USP8: variants seen among roughly 807,000 people sequenced by gnomAD.
USP8 encodes ubiquitin carboxyl-terminal hydrolase 8.
In USP8, 27 loss-of-function variants were observed where a neutral mutation model predicts 130.0. The observed-to-expected ratio is 0.21, with a 90% CI of 0.15 to 0.29. The LOEUF is 0.29. Among genes scored for constraint, USP8 ranks in the 10% least tolerant of loss-of-function variants. The pLI, the probability that USP8 is intolerant of heterozygous loss-of-function variation, is 1.00. For missense variants in USP8, 1,029 were observed against 1,312.2 expected, an observed-to-expected ratio of 0.78 and a Z score of 3.33; for synonymous variants, 392 against 444.1, an observed-to-expected ratio of 0.88 and a Z score of 1.48.
rs1485630012 is a variant in USP8 at position 50,499,012 on chromosome 15, C to G, written c.3281C>G (p.Ser1094Cys). ...DDHEVSDISV[S>C]SVKSSAAYIL... is the part of the protein sequence containing the mutation. ...CATGAAGTTTCTGATATCTCCGTTT[C>G]TTCTGTGAAATCTTCAGCAGCTTAT... The change falls in exon 20 of 20, where the codon TCT becomes TGT. Residue 1094 changes from serine to cysteine, a missense_variant. Physicochemically the swap from Ser to Cys is moderately radical, Grantham distance 112. Around this residue, in one of 4 missense-constraint regions of USP8, gnomAD observed 257 missense variants for 429.8 expected, o/e 0.60. Coordinates refer to ENST00000307179, the MANE Select transcript of USP8 (RefSeq NM_005154.5). 6.2e-7 allele frequency: 1 copy of G among 1,613,808 alleles called. No individual in the cohort carries two copies. Among genetic ancestry groups the G allele is most frequent in the Non-Finnish European group, 8.5e-7 (1 of 1,179,892 alleles).
chr15:50,479,971 G>T (rs1307290725), intron 10 of USP8, among the ~76,000 whole-genome samples: 2 of 152,074 alleles, frequency 1.3e-5, no homozygotes, highest in Non-Finnish European at 2.9e-5. Flanking sequence ...ATGTTGCCCA[G>T]GCTGGTCTCG....
intron 1 of USP8, 181 bp downstream of exon 1, chr15:50,424,695 C>CT (rs1281910226): frequency 1.8e-5 from 7 of 392,930 alleles, no homozygotes; most frequent in Admixed American, 1.3e-4. Flanking sequence ...AACCTTGAGT[C>CT]TTTTACGCCA....
chr15:50,436,423 A>G (rs555531646), intron 1 of USP8, among the ~76,000 whole-genome samples: 2 of 152,086 alleles, frequency 1.3e-5, no homozygotes, highest in South Asian at 2.1e-4. Context: ...GTAACTCTAT[A>G]GTTTGATATC....
At chr15:50,490,573 A>T in intron 14 of USP8, 48 bp downstream of exon 14, 1 of 1,583,344 alleles carries the variant, frequency 6.3e-7, no homozygotes, top group Non-Finnish European at 8.6e-7. Context: ...CTGTATTTCA[A>T]AGTTTCTACT....
At chr15:50,480,789 C>A (rs1188484464) in intron 10 of USP8, among the ~76,000 whole-genome samples, 1 of 151,542 alleles carries the variant, frequency 6.6e-6, no homozygotes, top group African/African-American at 2.4e-5. Context: ...TAAAATGAGT[C>A]CTCTGGCTAT....
intron 6 of USP8, among the ~76,000 whole-genome samples, chr15:50,462,702 GT>G (rs1467012652): frequency 2.0e-5 from 3 of 152,004 alleles, no homozygotes; most frequent in Non-Finnish European, 4.4e-5. Flanking sequence ...TTTCCGCCTG[GT>G]TTTCAGAATG....
At chr15:50,435,644 A>T (rs568996026) in intron 1 of USP8, among the ~76,000 whole-genome samples, 3 of 152,354 alleles carry the variant, frequency 2.0e-5, no homozygotes, top group South Asian at 4.1e-4. Flanking sequence ...AATTAAAACA[A>T]TACTGAAAGT....
chr15:50,495,017 TAAA>T (rs34381291), intron 16 of USP8, among the ~76,000 whole-genome samples: 3 of 113,498 alleles, frequency 2.6e-5, no homozygotes, highest in Admixed American at 9.2e-5. Context: ...AGACTCTTTC[TAAA>T]AAAAAAAAAA....
intron 6 of USP8, chr15:50,463,428 G>C (rs1351611280): frequency 6.6e-6 from 1 of 152,158 alleles, no homozygotes; most frequent in African/African-American, 2.4e-5. Flanking sequence ...AGCGAAGCAG[G>C]GTCAGGCCTG....
At chr15:50,430,609 G>C (rs2141244850) in intron 1 of USP8, among the ~76,000 whole-genome samples, 1 of 151,642 alleles carries the variant, frequency 6.6e-6, no homozygotes, top group East Asian at 1.9e-4. Flanking sequence ...AGGTCTCACT[G>C]TGTTGCCCAG....
chr15:50,499,120 A>C lies in USP8; in HGVS notation c.*32A>C. On this transcript the variant is annotated 3_prime_UTR_variant, in exon 20 of 20. Coordinates refer to ENST00000307179, the MANE Select transcript of USP8 (RefSeq NM_005154.5). Reference sequence around the variant, plus strand: ...ATAGGTTATAAACTAGTTATCTTTTAAAAGGCTCAGCAACACAACTCTTGA... The same window carrying C: ...ATAGGTTATAAACTAGTTATCTTTTCAAAGGCTCAGCAACACAACTCTTGA... 1 of 1,541,564 alleles carries C rather than the reference A, an allele frequency of 6.5e-7. No homozygotes were observed. The highest frequency in any genetic ancestry group is 8.7e-7 in the Non-Finnish European group (1 of 1,144,906).
In USP8 at chr15:50,443,224, A is replaced by G. The variant is rs189168032; in HGVS notation, c.249+1731A>G. 7.5e-3 allele frequency among the ~76,000 whole-genome samples: 1,143 copies of G among 151,744 alleles called. 3 individuals are homozygous for G. The highest frequency in any genetic ancestry group is 0.013 in the Non-Finnish European group (876 of 67,932). On this transcript the variant is annotated intron_variant, in intron 3 of 19. Transcript: ENST00000307179. Reference sequence around the variant, plus strand: ...TAGCTAATTTTTTTGTATCTTTAGTAGAGACGGAGTTTCACCATGTTGGCC... The same window carrying G: ...TAGCTAATTTTTTTGTATCTTTAGTGGAGACGGAGTTTCACCATGTTGGCC...
chr15:50,430,694 A>G (rs985727810), intron 1 of USP8, among the ~76,000 whole-genome samples: 5 of 152,216 alleles, frequency 3.3e-5, no homozygotes, highest in South Asian at 2.1e-4. Flanking sequence ...GGGATTATCA[A>G]AGTCAACATT....
rs987250364 is a variant in USP8, at chr15:50,499,409, G to C, written c.*321G>C. 6 of 183,624 alleles carry C rather than the reference G, an allele frequency of 3.3e-5. No individual in the cohort carries two copies. Among genetic ancestry groups the C allele is most frequent in the African/African-American group, 1.4e-4 (6 of 42,266 alleles). 11.4% of individuals were successfully genotyped at this position (183,624 alleles called of 1,614,324 possible). A position where few individuals can be genotyped will look rare whatever the true frequency, so the allele number is the denominator to read the frequency against. ...TTATCTTTTTTTTTTCCTTTTCACT[G>C]TTATGGCCTTTTCACATTTCTAAAT... On this transcript the variant is annotated 3_prime_UTR_variant, in exon 20 of 20. Transcript: ENST00000307179.
At chr15:50,424,831 T>TA (rs2141238125) in intron 1 of USP8, among the ~76,000 whole-genome samples, 1 of 151,944 alleles carries the variant, frequency 6.6e-6, no homozygotes, top group East Asian at 1.9e-4. Context: ...TTCCGGTTTT[T>TA]TTTTTTTTCT....
chr15:50,437,834 T>C (rs1231742801), intron 1 of USP8, among the ~76,000 whole-genome samples: 1 of 152,266 alleles, frequency 6.6e-6, no homozygotes, highest in Non-Finnish European at 1.5e-5. Context: ...CCCCTATCAC[T>C]ACAGCTTTAG....
intron 7 of USP8, among the ~76,000 whole-genome samples, chr15:50,468,674 G>C (rs560770930): frequency 6.6e-6 from 1 of 152,210 alleles, no homozygotes; most frequent in Admixed American, 6.6e-5. Context: ...GTACCCAATA[G>C]TTATCTTTTC....
intron 1 of USP8, among the ~76,000 whole-genome samples, chr15:50,431,165 C>CTGTG (rs56771450): frequency 0.01 from 1,457 of 140,984 alleles, 29 homozygotes; most frequent in Admixed American, 0.022. Flanking sequence ...GTGTGTGCCT[C>CTGTG]TGTGTGTGTG....
chr15:50,484,399 G>A (rs2141308155), intron 12 of USP8, 38 bp downstream of exon 12: 3 of 1,476,874 alleles, frequency 2.0e-6, no homozygotes, highest in Non-Finnish European at 2.8e-6. Flanking sequence ...GGAAAAAAAA[G>A]CCAAACATGG....
Sources: allele counts gnomAD v4.1 joint callset (sites outside exome capture counted in the v4.1 genomes callset), GRCh38; gene constraint gnomAD v4.1.1; regional missense constraint gnomAD v4.1.1; transcripts MANE v1.5; gene names NCBI Gene and HGNC (gene_info 2026-07-23, HGNC 2026-07-21).